Variants in SYCP2 observed in about 807,000 individuals in gnomAD.
The protein encoded by SYCP2 is synaptonemal complex lateral element protein.
SYCP2 carries 55 observed loss-of-function variants against 211.3 expected under a neutral mutation model. The observed-to-expected ratio is 0.26, with a 90% confidence interval of 0.21 to 0.33. The LOEUF (loss-of-function observed/expected upper bound fraction) is 0.33. Among genes scored for constraint, SYCP2 ranks in the 10% least tolerant of loss-of-function variants. SYCP2 has a pLI of 1.00. For missense variants in SYCP2, 1,731 were observed against 1,752.0 expected (o/e 0.99, Z 0.21); for synonymous variants, 570 against 555.2 (o/e 1.03, Z -0.37).
Position 59,869,709 on chromosome 20 carries a change from TTA to T in SYCP2, c.3741+87_3741+88del, listed in dbSNP as rs2059413872. ...ATAACAGTTGAAAAGCATTAAAATA[TTA>T]TAATTACCACTAAAGGTCAGTAATC... On this transcript the variant is annotated intron_variant, in intron 36 of 44. Coordinates refer to ENST00000357552, the MANE Select transcript of SYCP2 (RefSeq NM_014258.4). The T allele has an allele frequency of 1.8e-5, 12 of 683,014 alleles. No homozygotes were observed. In the East Asian group the frequency reaches 3.2e-4, roughly 18 times the overall value. 42.3% of individuals were successfully genotyped at this position (683,014 alleles called of 1,614,324 possible).
intron 35 of SYCP2, 25 bp from the exon 36 acceptor site, chr20:59,870,008 C>A: frequency 2.0e-6 from 3 of 1,476,210 alleles, no homozygotes; most frequent in South Asian, 2.8e-5. Context: ...ATACAAAAAC[C>A]CAATAAGAAG....
intron 35 of SYCP2, among the ~76,000 whole-genome samples, chr20:59,870,687 T>C: frequency 6.6e-6 from 1 of 151,814 alleles, no homozygotes; most frequent in Non-Finnish European, 1.5e-5. Flanking sequence ...TTCTGAGGAA[T>C]GGTGGGGCAG....
intron 14 of SYCP2, among the ~76,000 whole-genome samples, chr20:59,908,603 T>C (rs893190125): frequency 6.6e-6 from 1 of 152,198 alleles, no homozygotes; most frequent in African/African-American, 2.4e-5. Flanking sequence ...TTCTTCCTTA[T>C]ATATCAAGGC....
chr20:59,932,769 G>A (rs542993033), intron 1 of SYCP2, among the ~76,000 whole-genome samples: 25 of 152,200 alleles, frequency 1.6e-4, no homozygotes, highest in Non-Finnish European at 3.2e-4. Flanking sequence ...GTGGAGCCAC[G>A]TGTCGCGCAT....
intron 27 of SYCP2, 33 bp downstream of exon 27, chr20:59,882,062 A>G (rs1568925822): frequency 6.2e-7 from 1 of 1,607,672 alleles, no homozygotes. Flanking sequence ...TTCAAATATG[A>G]AGAAAATGAA....
At chr20:59,892,744 C>T (rs200835196) in intron 22 of SYCP2, 43 bp from the exon 23 acceptor site, 259 of 1,564,396 alleles carry the variant, frequency 1.7e-4, no homozygotes, top group Non-Finnish European at 2.2e-4. Context: ...AAACATTAGC[C>T]TGTGACTTTA....
At chr20:59,923,856 C>A in intron 2 of SYCP2, among the ~76,000 whole-genome samples, 1 of 150,742 alleles carries the variant, frequency 6.6e-6, no homozygotes. Flanking sequence ...AGAAAGAGAC[C>A]CAGAAGAAGA....
intron 35 of SYCP2, among the ~76,000 whole-genome samples, chr20:59,870,891 AAAAG>A (rs2145611638): frequency 6.6e-6 from 1 of 151,934 alleles, no homozygotes; most frequent in Non-Finnish European, 1.5e-5. Flanking sequence ...ATCCATATGA[AAAAG>A]AAAGCCTGGA....
intron 2 of SYCP2, among the ~76,000 whole-genome samples, chr20:59,926,183 C>G (rs2060631428): frequency 6.6e-6 from 1 of 152,134 alleles, no homozygotes; most frequent in Non-Finnish European, 1.5e-5. Flanking sequence ...GCCTCTGTAA[C>G]AAGAAGAAAA....
rs760057712 is a variant in SYCP2, at chr20:59,875,394, C to T, written c.3226G>A (p.Glu1076Lys). 22 of 1,612,776 alleles carry T rather than the reference C, an allele frequency of 1.4e-5. No individual in the cohort carries two copies. The highest frequency in any genetic ancestry group is 1.7e-5 in the Non-Finnish European group (20 of 1,179,464). Residue 1076 changes from glutamate (E) to lysine (K), a missense_variant, in exon 34 of 45, where the codon GAA becomes AAA. Transcript: ENST00000357552. ...TTCCATTGTTTTGATAGTTCCTTTT[C>T]TGTTTCAGCACAGAAGACTTTCTGT... ...KQQKVFCAETEKELSKQWKNS... is the reference protein window; with the variant it reads ...KQQKVFCAETKKELSKQWKNS...
At position 59,882,199 on chromosome 20, in the gene SYCP2, G is replaced by A. The variant is rs1049342585; in HGVS notation, c.2530-34C>T. ...AGGGTTATAAAAAAATCATTAAATG[G>A]CTAACAGGTATATGAAAAAATGCTC... On this transcript the variant is annotated intron_variant, in intron 26 of 44. Transcript: ENST00000357552. 3.4e-6 allele frequency: 5 copies of A among 1,487,312 alleles called. No homozygotes were observed. The Admixed American group carries it at 7.0e-5, about 21-fold the overall frequency. The allele number at this position is 1,487,312 out of a possible 1,614,324, so 92.1% of individuals were successfully genotyped here.
At chr20:59,895,110 T>C (rs6015597) in intron 20 of SYCP2, among the ~76,000 whole-genome samples, 2,729 of 152,216 alleles carry the variant, frequency 0.018, 83 homozygotes, top group African/African-American at 0.062. Context: ...CACAGTCCAC[T>C]TGTACTTCGC....
intron 10 of SYCP2, among the ~76,000 whole-genome samples, chr20:59,914,780 A>G (rs1054363841): frequency 1.3e-5 from 2 of 152,006 alleles, no homozygotes. Flanking sequence ...TCATAAAAAA[A>G]TCTGAGGAAT....
chr20:59,923,335 G>C (rs2060574925), intron 2 of SYCP2, among the ~76,000 whole-genome samples: 1 of 151,854 alleles, frequency 6.6e-6, no homozygotes, highest in African/African-American at 2.4e-5. Flanking sequence ...TATCCCTATT[G>C]TGTTTTGTAG....
intron 35 of SYCP2, 80 bp from the exon 36 acceptor site, chr20:59,870,063 T>A: frequency 1.1e-6 from 1 of 922,798 alleles, no homozygotes; most frequent in Non-Finnish European, 1.5e-6. Flanking sequence ...GAGTTGAACA[T>A]AAGAAACATT....
At position 59,921,336 on chromosome 20, in the gene SYCP2, G is replaced by A. The variant is rs2060538217; in HGVS notation, c.142C>T (p.His48Tyr). ...VKIKCSKQFF[H>Y]KVDNLICREL... The stretch of plus-strand genomic sequence containing the variant: ...CTGCATATAAGGTTGTCCACCTTGT[G>A]GAAAAACTGTTTGCTGCATTTAATC... The change falls in exon 4 of 45, where the codon CAC becomes TAC. Residue 48 changes from histidine (H) to tyrosine (Y), a missense_variant. By Grantham distance (83) the His-to-Tyr change is moderately conservative. This residue lies in a region of SYCP2 where 335 missense variants were observed against 378.8 expected (regional missense o/e 0.88). Coordinates refer to ENST00000357552, the MANE Select transcript of SYCP2 (RefSeq NM_014258.4). 3 of 1,605,560 alleles carry A rather than the reference G, an allele frequency of 1.9e-6. No individual in the cohort carries two copies. The highest frequency in any genetic ancestry group is 4.5e-5 in the East Asian group (2 of 44,386).
At chr20:59,896,248 G>C (rs1032817406) in intron 19 of SYCP2, among the ~76,000 whole-genome samples, 181 bp downstream of exon 19, 2 of 151,974 alleles carry the variant, frequency 1.3e-5, no homozygotes, top group African/African-American at 4.8e-5. Flanking sequence ...TTTCAACACT[G>C]TTCTGTTCAT....
intron 4 of SYCP2, among the ~76,000 whole-genome samples, chr20:59,920,845 G>C (rs905161299): frequency 1.4e-4 from 21 of 151,548 alleles, no homozygotes; most frequent in African/African-American, 4.8e-4. Context: ...CTCAGATACT[G>C]GGGTAAGGGG....
intron 12 of SYCP2, among the ~76,000 whole-genome samples, chr20:59,913,029 C>T (rs1044985294): frequency 2.6e-5 from 4 of 152,158 alleles, no homozygotes; most frequent in African/African-American, 9.7e-5. Context: ...TCTTTATCAG[C>T]AGTATTAAAA....
Sources: allele counts gnomAD v4.1 joint callset (sites outside exome capture counted in the v4.1 genomes callset), GRCh38; gene constraint gnomAD v4.1.1; regional missense constraint gnomAD v4.1.1; transcripts MANE v1.5; gene names NCBI Gene and HGNC (gene_info 2026-07-23, HGNC 2026-07-21).